Variants in ZFYVE9 observed in about 807,000 individuals in gnomAD.
ZFYVE9 encodes the protein zinc finger FYVE domain-containing protein 9.
In ZFYVE9, 43 loss-of-function variants were observed where a neutral mutation model predicts 126.7. That is an observed-to-expected ratio of 0.34 (90% CI 0.27 to 0.44). ZFYVE9 has a LOEUF of 0.44. Ranked by LOEUF, ZFYVE9 falls within the 20% of genes least tolerant of loss-of-function variation. The pLI, the probability that ZFYVE9 is intolerant of heterozygous loss-of-function variation, is 1.00. For missense variants in ZFYVE9, 1,476 were observed against 1,697.0 expected, an observed-to-expected ratio of 0.87 and a Z score of 2.29; for synonymous variants, 521 against 597.4, an observed-to-expected ratio of 0.87 and a Z score of 1.87.
At position 52,263,753 on chromosome 1, in the gene ZFYVE9, T is replaced by TCCC. The variant is rs58847260; in HGVS notation, c.2179-7_2179-5dup. 1.1e-4 allele frequency: 81 copies of TCCC among 713,528 alleles called. No individual in the cohort carries two copies. Among genetic ancestry groups the TCCC allele is most frequent in the Middle Eastern group, 3.0e-4 (1 of 3,354 alleles). 44.2% of individuals were successfully genotyped at this position (713,528 alleles called of 1,614,324 possible). A position where few individuals can be genotyped will look rare whatever the true frequency, so the allele number is the denominator to read the frequency against. On this transcript the variant is annotated intron_variant, in intron 4 of 18. Transcript: ENST00000287727. ...ATCCCAAGTAAATTTTGTGTGTTCTTCCCCCCCCCCCCCCCACAGGTTTTC... is the reference window on the plus strand; with the variant it reads ...ATCCCAAGTAAATTTTGTGTGTTCTTCCCCCCCCCCCCCCCCCCACAGGTTTTC...
At chr1:52,148,647 CTT>C (rs368564664) in intron 1 of ZFYVE9, among the ~76,000 whole-genome samples, 2 of 144,176 alleles carry the variant, frequency 1.4e-5, no homozygotes, top group African/African-American at 2.5e-5. Context: ...ATATTTCTTT[CTT>C]TTTTTTTTTT....
intron 13 of ZFYVE9, among the ~76,000 whole-genome samples, chr1:52,310,718 A>C (rs1646129621): frequency 6.6e-6 from 1 of 152,214 alleles, no homozygotes; most frequent in Non-Finnish European, 1.5e-5. Flanking sequence ...GATGAGTTAA[A>C]GTGATTGTAT....
chr1:52,242,109 G>C (rs1240888132), intron 4 of ZFYVE9, among the ~76,000 whole-genome samples: 2 of 137,876 alleles, frequency 1.5e-5, no homozygotes, highest in African/African-American at 5.6e-5. Flanking sequence ...TCAGTTCACT[G>C]CAACCTCTGC....
intron 5 of ZFYVE9, among the ~76,000 whole-genome samples, chr1:52,264,437 C>T (rs1208407169): frequency 6.6e-6 from 1 of 151,984 alleles, no homozygotes; most frequent in Non-Finnish European, 1.5e-5. Context: ...CTAGTTGTTA[C>T]GTGGTAAAAA....
intron 1 of ZFYVE9, among the ~76,000 whole-genome samples, chr1:52,170,830 T>A (rs1644560859): frequency 6.6e-6 from 1 of 152,162 alleles, no homozygotes; most frequent in African/African-American, 2.4e-5. Context: ...TGCCTGATAT[T>A]TCCATGCTTT....
chr1:52,342,724 G>A (rs538258911), intron 17 of ZFYVE9, among the ~76,000 whole-genome samples: 2 of 151,726 alleles, frequency 1.3e-5, no homozygotes, highest in Non-Finnish European at 2.9e-5. Context: ...TTAGTAGACA[G>A]GGTTTCACCA....
intron 9 of ZFYVE9, among the ~76,000 whole-genome samples, chr1:52,280,973 A>C (rs1406946373): frequency 1.3e-5 from 2 of 152,106 alleles, no homozygotes; most frequent in African/African-American, 4.8e-5. Flanking sequence ...ATAAAGGTGG[A>C]GGACTATGTT....
intron 1 of ZFYVE9, among the ~76,000 whole-genome samples, chr1:52,187,419 G>T (rs1469801815): frequency 2.0e-5 from 3 of 152,202 alleles, no homozygotes; most frequent in African/African-American, 7.2e-5. Context: ...AAGATTTCAT[G>T]ATGAAGACAC....
At chr1:52,253,600 A>G in intron 4 of ZFYVE9, 3 of 1,133,890 alleles carry the variant, frequency 2.6e-6, no homozygotes, top group Non-Finnish European at 4.0e-6. Flanking sequence ...AGTTTTGGCA[A>G]GCAGCCAGAA....
chr1:52,194,371 T>G (rs1343052092), intron 1 of ZFYVE9, among the ~76,000 whole-genome samples: 2 of 151,844 alleles, frequency 1.3e-5, no homozygotes, highest in African/African-American at 4.8e-5. Flanking sequence ...ATGGAAGACC[T>G]TCATATAAAA....
chr1:52,180,514 C>T (rs902617397), intron 1 of ZFYVE9: 1 of 765,212 alleles, frequency 1.3e-6, no homozygotes, highest in Non-Finnish European at 2.3e-6. Context: ...GTGCAATGCT[C>T]TGTCCCCATG....
intron 4 of ZFYVE9, among the ~76,000 whole-genome samples, chr1:52,251,631 A>G (rs1381759561): frequency 6.6e-6 from 1 of 152,200 alleles, no homozygotes; most frequent in Non-Finnish European, 1.5e-5. Flanking sequence ...ATCAGTATAC[A>G]TTCATACAGA....
chr1:52,238,868 A>C lies in ZFYVE9; in HGVS notation c.1451A>C (p.Gln484Pro). ...LSNGCDSYGM[Q>P]DPGVSFVPKT... ...AATGGTTGTGATTCCTATGGAATGC[A>C]AGACCCAGGTGTTTCTTTTGTTCCA... Residue 484 changes from glutamine to proline, a missense_variant, in exon 4 of 19, where the codon CAA becomes CCA. By Grantham distance (76) the Gln-to-Pro change is moderately conservative. Around this residue, in one of 2 missense-constraint regions of ZFYVE9, gnomAD observed 807 missense variants for 794.6 expected, o/e 1.02. Coordinates refer to ENST00000287727, the MANE Select transcript of ZFYVE9 (RefSeq NM_004799.4). The C allele has an allele frequency of 6.2e-7, 1 of 1,614,140 alleles. No homozygotes were observed. Among genetic ancestry groups the C allele is most frequent in the Non-Finnish European group, 8.5e-7 (1 of 1,179,980 alleles).
At chr1:52,177,162 T>C (rs1348036320) in intron 1 of ZFYVE9, among the ~76,000 whole-genome samples, 1 of 151,622 alleles carries the variant, frequency 6.6e-6, no homozygotes, top group Admixed American at 6.6e-5. Context: ...TTTTTTTTTT[T>C]TTTTGAGACG....
At chr1:52,223,528 A>AT (rs1383346762) in intron 2 of ZFYVE9, among the ~76,000 whole-genome samples, 2 of 151,686 alleles carry the variant, frequency 1.3e-5, no homozygotes, top group Non-Finnish European at 2.9e-5. Flanking sequence ...TATCTTTTGT[A>AT]TTTTTTTTGT....
intron 8 of ZFYVE9, 134 bp from the exon 9 acceptor site, chr1:52,278,358 C>A: frequency 1.7e-6 from 2 of 1,160,424 alleles, no homozygotes; most frequent in Non-Finnish European, 2.5e-6. Context: ...AGATACAAAC[C>A]ATGCTCTGTA....
chr1:52,207,455 G>C (rs346565), intron 1 of ZFYVE9, among the ~76,000 whole-genome samples: 34,693 of 152,064 alleles, frequency 0.23, 8,208 homozygotes, highest in African/African-American at 0.61. Context: ...AGATGGATAT[G>C]CTGGAAATTG....
chr1:52,161,436 C>T (rs549446998), intron 1 of ZFYVE9, among the ~76,000 whole-genome samples: 2 of 152,174 alleles, frequency 1.3e-5, no homozygotes, highest in South Asian at 2.1e-4. Flanking sequence ...ACAGCAAGCA[C>T]GCACTACCAC....
rs760815280 is a variant in ZFYVE9 at position 52,238,620 on chromosome 1, T to TTGGAAG, written c.1205_1210dup (p.Trp402_Lys403dup). ...TCTCTGAATCTCAGGACATGACTAA[T>TTGGAAG]TGGAAGTTGACTAAACTAAATGAGA... On this transcript the variant is annotated inframe_insertion, in exon 4 of 19. Transcript: ENST00000287727. 1.2e-6 allele frequency: 2 copies of TTGGAAG among 1,614,026 alleles called. No homozygotes were observed. The highest frequency in any genetic ancestry group is 2.2e-5 in the South Asian group (2 of 91,056).
Sources: allele counts gnomAD v4.1 joint callset (sites outside exome capture counted in the v4.1 genomes callset), GRCh38; gene constraint gnomAD v4.1.1; regional missense constraint gnomAD v4.1.1; transcripts MANE v1.5; gene names NCBI Gene and HGNC (gene_info 2026-07-23, HGNC 2026-07-21).